The following TASP1 variants were observed in gnomAD, a reference collection of about 807,000 sequenced individuals.
TASP1 encodes threonine aspartase 1.
TASP1 carries 16 observed loss-of-function variants against 56.6 expected under a neutral mutation model. The ratio of observed to expected loss-of-function variants is 0.28; its 90% CI spans 0.19 to 0.43. TASP1 has a LOEUF of 0.43. TASP1 is among the 20% of genes least tolerant of loss of function. TASP1 has a pLI of 1.00. For missense variants in TASP1, 393 were observed against 511.6 expected, an observed-to-expected ratio of 0.77 and a Z score of 2.24; for synonymous variants, 179 against 184.2, an observed-to-expected ratio of 0.97 and a Z score of 0.23.
the TASP1 span, among the ~76,000 whole-genome samples, chr20:13,121,034 A>C: frequency 6.6e-6 from 1 of 152,246 alleles, no homozygotes; most frequent in Non-Finnish European, 1.5e-5. Context: ...GGAAAGCCTA[A>C]GCTGATGGGA....
At chr20:13,417,225 C>A (rs954955647) in intron 13 of TASP1, among the ~76,000 whole-genome samples, 1 of 152,172 alleles carries the variant, frequency 6.6e-6, no homozygotes, top group Admixed American at 6.6e-5. Context: ...AGTGGGCAGG[C>A]TCCTCCTAAT....
chr20:13,448,351 CGAGTGG>C (rs2043489130), intron 11 of TASP1, among the ~76,000 whole-genome samples: 2 of 152,062 alleles, frequency 1.3e-5, no homozygotes, highest in African/African-American at 2.4e-5. Context: ...ATATAAATTT[CGAGTGG>C]CTTTATTTTC....
At chr20:13,398,881 T>C (rs2041639574) in intron 13 of TASP1, among the ~76,000 whole-genome samples, 2 of 152,214 alleles carry the variant, frequency 1.3e-5, no homozygotes, top group African/African-American at 2.4e-5. Context: ...GCAAAGTTAT[T>C]TGAAAGAGTT....
intron 7 of TASP1, among the ~76,000 whole-genome samples, chr20:13,566,747 G>C (rs764416622): frequency 3.3e-5 from 5 of 152,158 alleles, no homozygotes; most frequent in Non-Finnish European, 5.9e-5. Context: ...TCTCACACCA[G>C]TCAGAATGGC....
At chr20:13,120,934 G>A in the TASP1 span, among the ~76,000 whole-genome samples, 1 of 152,224 alleles carries the variant, frequency 6.6e-6, no homozygotes, top group Non-Finnish European at 1.5e-5. Context: ...ACATGGAGGA[G>A]TCTGTCCTTT....
chr20:13,569,433 G>T, intron 7 of TASP1, 74 bp downstream of exon 7: 1 of 1,161,760 alleles, frequency 8.6e-7, no homozygotes, highest in Non-Finnish European at 1.3e-6. Flanking sequence ...TACTACATGG[G>T]TCATAACAGA....
intron 10 of TASP1, among the ~76,000 whole-genome samples, chr20:13,506,138 A>G (rs1228422568): frequency 2.0e-5 from 3 of 152,188 alleles, no homozygotes; most frequent in African/African-American, 7.2e-5. Flanking sequence ...AACAAATTAG[A>G]TAACCTAGTA....
At chr20:13,476,212 T>C (rs182809121) in intron 11 of TASP1, among the ~76,000 whole-genome samples, 10 of 152,200 alleles carry the variant, frequency 6.6e-5, no homozygotes, top group African/African-American at 2.4e-4. Context: ...TCATGGTAAC[T>C]CTCTTTTACG....
At chr20:13,139,093 T>TCCTC in the TASP1 span, among the ~76,000 whole-genome samples, 1 of 152,176 alleles carries the variant, frequency 6.6e-6, no homozygotes, top group Non-Finnish European at 1.5e-5. Context: ...ACATTTTCCA[T>TCCTC]CCTCCCTCCT....
the TASP1 span, among the ~76,000 whole-genome samples, chr20:13,212,135 G>C: frequency 1.3e-5 from 2 of 152,126 alleles, no homozygotes; most frequent in Admixed American, 6.6e-5. Flanking sequence ...TTTCCCAACT[G>C]TTCTTGCAGT....
intron 13 of TASP1, among the ~76,000 whole-genome samples, chr20:13,391,390 T>C (rs1051572014): frequency 1.3e-5 from 2 of 152,182 alleles, no homozygotes; most frequent in East Asian, 1.9e-4. Context: ...TTTGGTGATC[T>C]GGCTTAATCC....
chr20:13,426,866 G>A (rs1232100291), intron 12 of TASP1, among the ~76,000 whole-genome samples: 1 of 152,178 alleles, frequency 6.6e-6, no homozygotes, highest in Non-Finnish European at 1.5e-5. Context: ...AAACATTGCT[G>A]AGGCAACTAA....
chr20:13,600,377 A>G (rs1027446842), intron 4 of TASP1, among the ~76,000 whole-genome samples: 5 of 152,204 alleles, frequency 3.3e-5, no homozygotes, highest in African/African-American at 1.2e-4. Context: ...TGGTATTGAC[A>G]TAAATTTAGA....
chr20:13,255,005 G>C, the TASP1 span, among the ~76,000 whole-genome samples: 3 of 152,192 alleles, frequency 2.0e-5, no homozygotes, highest in Non-Finnish European at 4.4e-5. Flanking sequence ...GAACAGACAC[G>C]GTCCCTGCCT....
the TASP1 span, among the ~76,000 whole-genome samples, chr20:13,305,724 G>A: frequency 6.6e-6 from 1 of 152,166 alleles, no homozygotes; most frequent in South Asian, 2.1e-4. Context: ...GAGAGTAGAA[G>A]GAGAGGGACA....
chr20:13,239,739 G>A, the TASP1 span: 1 of 152,192 alleles, frequency 6.6e-6, no homozygotes, highest in African/African-American at 2.4e-5. Flanking sequence ...GTTGTTGTAG[G>A]CAAGAAAGCC....
At chr20:13,606,561 A>G (rs2048162259) in intron 4 of TASP1, among the ~76,000 whole-genome samples, 1 of 152,168 alleles carries the variant, frequency 6.6e-6, no homozygotes, top group Admixed American at 6.5e-5. Flanking sequence ...TAATCCCAGC[A>G]CTTTGGGAGG....
the TASP1 span, among the ~76,000 whole-genome samples, chr20:13,359,985 C>T: frequency 6.6e-6 from 1 of 152,130 alleles, no homozygotes; most frequent in East Asian, 1.9e-4. Flanking sequence ...TGTTATCACT[C>T]GCCTGCTACA....
chr20:13,597,155 A>G (rs1601388756), intron 4 of TASP1, among the ~76,000 whole-genome samples: 1 of 152,232 alleles, frequency 6.6e-6, no homozygotes, highest in East Asian at 1.9e-4. Flanking sequence ...CAATAGAAAA[A>G]GAGAGAATCC....
Sources: allele counts gnomAD v4.1 joint callset (sites outside exome capture counted in the v4.1 genomes callset), GRCh38; gene constraint gnomAD v4.1.1; transcripts MANE v1.5; gene names NCBI Gene and HGNC (gene_info 2026-07-23, HGNC 2026-07-21).